LRRIQ3: variants seen among roughly 807,000 people sequenced by gnomAD.
The protein encoded by LRRIQ3 is leucine rich repeats and IQ motif containing 3, also known as leucine-rich repeat and IQ domain-containing protein 3.
LRRIQ3 carries 75 observed loss-of-function variants against 59.3 expected under a neutral mutation model. That is an observed-to-expected ratio of 1.26 (90% confidence interval 1.05 to 1.53). The LOEUF is 1.53. Ranked by LOEUF, LRRIQ3 falls within the 40% of genes most tolerant of loss-of-function variation. LRRIQ3 has a pLI of 0.00. For synonymous variants in LRRIQ3, 250 were observed against 231.3 expected, an observed-to-expected ratio of 1.08 and a Z score of -0.73; for missense variants, 831 against 710.0, an observed-to-expected ratio of 1.17 and a Z score of -1.94.
At chr1:74,068,511 A>G (rs1299083704) in intron 6 of LRRIQ3, among the ~76,000 whole-genome samples, 1 of 152,078 alleles carries the variant, frequency 6.6e-6, no homozygotes, top group Admixed American at 6.6e-5. Context: ...AGCACATGGA[A>G]TATATGGTAC....
chr1:74,082,953 A>G (rs567194151), intron 5 of LRRIQ3: 1 of 151,728 alleles, frequency 6.6e-6, no homozygotes, highest in South Asian at 2.1e-4. Flanking sequence ...GTGTTACTTC[A>G]TGTAAGTTTT....
chr1:74,178,605 G>T (rs1421215070), intron 3 of LRRIQ3, among the ~76,000 whole-genome samples: 2 of 151,960 alleles, frequency 1.3e-5, no homozygotes, highest in Non-Finnish European at 2.9e-5. Context: ...TTATCAATTT[G>T]TTTTTCTCTG....
intron 4 of LRRIQ3, among the ~76,000 whole-genome samples, chr1:74,141,447 T>A (rs1020163481): frequency 6.6e-6 from 1 of 151,632 alleles, no homozygotes; most frequent in Non-Finnish European, 1.5e-5. Flanking sequence ...GAAAAAAAAA[T>A]CAGTTTGCCT....
intron 5 of LRRIQ3, among the ~76,000 whole-genome samples, chr1:74,091,042 C>T (rs1197730690): frequency 1.3e-5 from 2 of 152,048 alleles, no homozygotes; most frequent in Admixed American, 6.6e-5. Flanking sequence ...CTCAAAGATG[C>T]TTTTGTTCTG....
chr1:74,116,302 C>G (rs1646775777), intron 4 of LRRIQ3, among the ~76,000 whole-genome samples: 1 of 151,932 alleles, frequency 6.6e-6, no homozygotes, highest in African/African-American at 2.4e-5. Flanking sequence ...TCTTTTGTAA[C>G]TTTGGAAATA....
intron 7 of LRRIQ3, among the ~76,000 whole-genome samples, chr1:74,034,394 T>C (rs758630908): frequency 6.6e-6 from 1 of 152,012 alleles, no homozygotes; most frequent in Non-Finnish European, 1.5e-5. Flanking sequence ...GTTAATACTT[T>C]TGCAGTAGCT....
At chr1:74,048,247 T>C (rs144928819) in intron 6 of LRRIQ3, among the ~76,000 whole-genome samples, 133 of 152,310 alleles carry the variant, frequency 8.7e-4, no homozygotes, top group African/African-American at 3.1e-3. Flanking sequence ...TAATGGATAA[T>C]AGGAGTGCTC....
chr1:74,126,151 T>A (rs560667477), intron 4 of LRRIQ3, among the ~76,000 whole-genome samples: 12 of 152,020 alleles, frequency 7.9e-5, no homozygotes, highest in African/African-American at 2.6e-4. Context: ...TAGTTTCTCA[T>A]CGTATCAACT....
chr1:74,196,511 C>A (rs1276521027), intron 1 of LRRIQ3, among the ~76,000 whole-genome samples: 2 of 152,140 alleles, frequency 1.3e-5, no homozygotes, highest in African/African-American at 4.8e-5. Flanking sequence ...CAGACACATA[C>A]ACACACAAAC....
In LRRIQ3 at chr1:74,116,833, A is replaced by G. The variant is rs573567111; in HGVS notation, c.708-7280T>C. Among the ~76,000 whole-genome samples the G allele has an allele frequency of 1.4e-3, 218 of 152,206 alleles. 1 individual carries two copies. The highest frequency in any genetic ancestry group is 4.8e-3 in the African/African-American group (200 of 41,584). On this transcript the variant is annotated intron_variant, in intron 4 of 7. Coordinates refer to ENST00000354431, the MANE Select transcript of LRRIQ3 (RefSeq NM_001105659.2). Reference sequence around the variant, plus strand: ...AAGATTTTATGATAATAGGTAATATACCATTAATAAGGTATAAATTGCAGA... The same window carrying G: ...AAGATTTTATGATAATAGGTAATATGCCATTAATAAGGTATAAATTGCAGA...
At chr1:74,140,929 T>G (rs1027005474) in intron 4 of LRRIQ3, among the ~76,000 whole-genome samples, 3 of 151,860 alleles carry the variant, frequency 2.0e-5, no homozygotes, top group African/African-American at 4.8e-5. Context: ...AATTTTTAAA[T>G]TTTTGAAAAA....
rs1436268541 is a variant in LRRIQ3, at chr1:74,026,691, T to G, written c.*122A>C. Reference sequence around the variant, plus strand: ...ACTAATCTTTATATTTTTAGAAGACTTATATATAAATCCATCTTGTGATGT... The same window carrying G: ...ACTAATCTTTATATTTTTAGAAGACGTATATATAAATCCATCTTGTGATGT... On this transcript the variant is annotated 3_prime_UTR_variant, in exon 8 of 8. Transcript: ENST00000354431. 3 of 743,886 alleles carry G rather than the reference T, an allele frequency of 4.0e-6. No individual in the cohort carries two copies. Among genetic ancestry groups the G allele is most frequent in the Non-Finnish European group, 2.1e-6 (1 of 477,946 alleles). The allele number at this position is 743,886 out of a possible 1,614,324, so 46.1% of individuals were successfully genotyped here.
At chr1:74,100,356 T>C (rs1646512364) in intron 5 of LRRIQ3, among the ~76,000 whole-genome samples, 1 of 152,108 alleles carries the variant, frequency 6.6e-6, no homozygotes. Flanking sequence ...ACAAGGGATG[T>C]AAAGGACCTC....
intron 4 of LRRIQ3, among the ~76,000 whole-genome samples, chr1:74,124,941 G>T (rs1419685087): frequency 6.6e-6 from 1 of 151,866 alleles, no homozygotes; most frequent in East Asian, 1.9e-4. Flanking sequence ...TCTATAGATT[G>T]CTTTGAGTAG....
chr1:74,046,255 C>G (rs1654200514), intron 6 of LRRIQ3, among the ~76,000 whole-genome samples: 1 of 152,154 alleles, frequency 6.6e-6, no homozygotes, highest in Non-Finnish European at 1.5e-5. Flanking sequence ...GGTACCAAAA[C>G]AGATATATAG....
chr1:74,113,593 G>T (rs1289678391), intron 4 of LRRIQ3, among the ~76,000 whole-genome samples: 1 of 151,952 alleles, frequency 6.6e-6, no homozygotes, highest in Non-Finnish European at 1.5e-5. Flanking sequence ...AGAAACAATG[G>T]AAGCCAGAAG....
At chr1:74,116,551 C>T (rs931360003) in intron 4 of LRRIQ3, among the ~76,000 whole-genome samples, 2 of 151,898 alleles carry the variant, frequency 1.3e-5, no homozygotes, top group Non-Finnish European at 2.9e-5. Flanking sequence ...TTTTACAATT[C>T]AATACACAGG....
intron 6 of LRRIQ3, among the ~76,000 whole-genome samples, chr1:74,044,619 G>A (rs558044617): frequency 6.6e-6 from 1 of 152,044 alleles, no homozygotes. Flanking sequence ...TAAGATCAAA[G>A]CAGAACTGAA....
intron 5 of LRRIQ3, among the ~76,000 whole-genome samples, chr1:74,108,719 A>C (rs1646646585): frequency 6.6e-6 from 1 of 151,814 alleles, no homozygotes; most frequent in Non-Finnish European, 1.5e-5. Flanking sequence ...TTCTACCATT[A>C]ATTAGTGTCC....
Sources: gnomAD v4.1 joint callset for allele counts (sites outside exome capture counted in the v4.1 genomes callset) on GRCh38, gnomAD v4.1.1 for gene constraint, MANE v1.5 for transcripts, NCBI Gene and HGNC (gene_info 2026-07-23, HGNC 2026-07-21) for gene names.